Variants in PHF24 observed in about 807,000 individuals in gnomAD.
The protein encoded by PHF24 is Galpha inhibitory interacting protein.
PHF24 carries 25 observed loss-of-function variants against 42.6 expected under a neutral mutation model. The ratio of observed to expected loss-of-function variants is 0.59; its 90% CI spans 0.43 to 0.82. The LOEUF (loss-of-function observed/expected upper bound fraction) is 0.82. Among genes scored for constraint, PHF24 ranks in the 40% least tolerant of loss-of-function variants. The pLI is 0.00. For synonymous variants in PHF24, 185 were observed against 204.8 expected, an observed-to-expected ratio of 0.90 and a Z score of 0.83; for missense variants, 470 against 538.1, an observed-to-expected ratio of 0.87 and a Z score of 1.25.
At chr9:34,714,320 T>A in the PHF24 span, among the ~76,000 whole-genome samples, 1 of 139,002 alleles carries the variant, frequency 7.2e-6, no homozygotes, top group Admixed American at 7.5e-5. Context: ...CCCACCTGCC[T>A]AATGGGAGTG....
chr9:34,712,607 CT>C, the PHF24 span, among the ~76,000 whole-genome samples: 806 of 151,930 alleles, frequency 5.3e-3, 6 homozygotes, highest in Non-Finnish European at 7.7e-3. Flanking sequence ...TGCTTGAGTC[CT>C]TTTTTTCTTT....
chr9:34,879,403 A>G, the PHF24 span, among the ~76,000 whole-genome samples: 3 of 152,338 alleles, frequency 2.0e-5, no homozygotes, highest in Admixed American at 1.3e-4. Flanking sequence ...GATAGGTAAT[A>G]ACAAACTTCT....
chr9:34,712,615 C>A, the PHF24 span, among the ~76,000 whole-genome samples: 1 of 151,162 alleles, frequency 6.6e-6, no homozygotes, highest in South Asian at 2.1e-4. Context: ...TCCTTTTTTT[C>A]TTTTTACTAA....
the PHF24 span, among the ~76,000 whole-genome samples, chr9:34,890,730 T>G: frequency 6.6e-6 from 1 of 152,240 alleles, no homozygotes; most frequent in Non-Finnish European, 1.5e-5. Flanking sequence ...CTGGATTCCC[T>G]TGTTTTTATG....
At chr9:34,918,209 C>G in the PHF24 span, 1 of 1,475,326 alleles carries the variant, frequency 6.8e-7, no homozygotes, top group South Asian at 1.1e-5. Flanking sequence ...CCTCTGCCAA[C>G]TGTGACCCCT....
At chr9:34,852,514 C>T in the PHF24 span, among the ~76,000 whole-genome samples, 1 of 152,166 alleles carries the variant, frequency 6.6e-6, no homozygotes, top group Admixed American at 6.5e-5. Flanking sequence ...TTTATCTCTC[C>T]TTAATTTCTA....
intron 3 of PHF24, among the ~76,000 whole-genome samples, chr9:34,975,491 G>A (rs1476469492): frequency 6.6e-6 from 1 of 152,124 alleles, no homozygotes; most frequent in Non-Finnish European, 1.5e-5. Context: ...AAATGACCTT[G>A]TACTAGAAAG....
the PHF24 span, among the ~76,000 whole-genome samples, chr9:34,884,332 C>A: frequency 1.3e-5 from 2 of 152,048 alleles, no homozygotes; most frequent in African/African-American, 4.8e-5. Flanking sequence ...ATGTAACAAA[C>A]CTGCACATTG....
At chr9:34,804,584 A>G in the PHF24 span, among the ~76,000 whole-genome samples, 1 of 152,230 alleles carries the variant, frequency 6.6e-6, no homozygotes, top group Non-Finnish European at 1.5e-5. Flanking sequence ...CATTTCATAG[A>G]TGAGAAGACT....
At chr9:34,694,480 G>A in the PHF24 span, among the ~76,000 whole-genome samples, 10 of 152,086 alleles carry the variant, frequency 6.6e-5, no homozygotes, top group Admixed American at 2.6e-4. Context: ...ACAGGGACCC[G>A]CCACCACACC....
upstream of PHF24, among the ~76,000 whole-genome samples, chr9:34,953,326 T>G (rs1188260966): frequency 6.6e-6 from 1 of 152,200 alleles, no homozygotes; most frequent in African/African-American, 2.4e-5. This position sits in a 1 kb window ranked among gnomAD's most constrained non-coding sequence, Gnocchi z 4.1. Flanking sequence ...TTTTTATCTT[T>G]TATTGTAGAG....
the PHF24 span, among the ~76,000 whole-genome samples, chr9:34,946,265 C>T: frequency 1.3e-5 from 2 of 152,156 alleles, no homozygotes; most frequent in Non-Finnish European, 2.9e-5. Context: ...TAGGTGGTTC[C>T]TAACTGCCTC....
chr9:34,940,139 G>GC, the PHF24 span, among the ~76,000 whole-genome samples: 1 of 151,886 alleles, frequency 6.6e-6, no homozygotes, highest in Admixed American at 6.6e-5. Flanking sequence ...TATACAATGG[G>GC]CCCCAGTGAA....
chr9:34,803,397 G>GA, the PHF24 span, among the ~76,000 whole-genome samples: 357 of 147,774 alleles, frequency 2.4e-3, 1 homozygote, highest in African/African-American at 7.8e-3. Context: ...TTCTAAAAAG[G>GA]AAAAAAAAAA....
At chr9:34,881,863 G>T in the PHF24 span, among the ~76,000 whole-genome samples, 159 of 152,208 alleles carry the variant, frequency 1.0e-3, no homozygotes, top group Non-Finnish European at 1.8e-3. Flanking sequence ...TTCATTTGAT[G>T]AGGCCAGCAT....
chr9:34,727,783 A>G, the PHF24 span, among the ~76,000 whole-genome samples: 1 of 152,200 alleles, frequency 6.6e-6, no homozygotes, highest in Non-Finnish European at 1.5e-5. Flanking sequence ...TACACTAGTA[A>G]AATCCTGAAT....
chr9:34,763,347 A>G, the PHF24 span, among the ~76,000 whole-genome samples: 1 of 152,202 alleles, frequency 6.6e-6, no homozygotes, highest in Non-Finnish European at 1.5e-5. Flanking sequence ...ATGTTCTTCC[A>G]TTTGTTTGTA....
chr9:34,920,649 TA>T, the PHF24 span, among the ~76,000 whole-genome samples: 1 of 152,334 alleles, frequency 6.6e-6, no homozygotes, highest in South Asian at 2.1e-4. Flanking sequence ...AATATCTTTT[TA>T]TTTTTTGTGT....
chr9:34,917,820 G>T, the PHF24 span: 5 of 1,421,988 alleles, frequency 3.5e-6, no homozygotes, highest in Non-Finnish European at 5.0e-6. Flanking sequence ...CAGCATGGGA[G>T]ATCATCTCTG....
Sources: gnomAD v4.1 joint callset for allele counts (sites outside exome capture counted in the v4.1 genomes callset) on GRCh38, gnomAD v4.1.1 for gene constraint, Gnocchi (gnomAD v3.1) non-coding constraint, MANE v1.5 for transcripts, NCBI Gene and HGNC (gene_info 2026-07-23, HGNC 2026-07-21) for gene names.